The following ZFAT variants were observed in gnomAD, a reference collection of about 807,000 sequenced individuals.
ZFAT encodes zinc finger protein ZFAT.
In ZFAT, 64 loss-of-function variants were observed where a neutral mutation model predicts 117.7. The observed-to-expected ratio is 0.54, with a 90% confidence interval of 0.44 to 0.67. ZFAT has a LOEUF of 0.67. Ranked by LOEUF, ZFAT falls within the 30% of genes least tolerant of loss-of-function variation. The pLI is 0.00. For missense variants in ZFAT, 1,433 were observed against 1,584.5 expected, an observed-to-expected ratio of 0.90 and a Z score of 1.62; for synonymous variants, 679 against 615.0, an observed-to-expected ratio of 1.10 and a Z score of -1.54.
chr8:134,530,711 A>G (rs1821341698), intron 12 of ZFAT, among the ~76,000 whole-genome samples: 1 of 152,224 alleles, frequency 6.6e-6, no homozygotes, highest in Non-Finnish European at 1.5e-5. Flanking sequence ...CTCCATATCC[A>G]TGGGTTCAAC....
At chr8:134,763,555 T>C in the ZFAT span, among the ~76,000 whole-genome samples, 1 of 152,208 alleles carries the variant, frequency 6.6e-6, no homozygotes, top group Admixed American at 6.5e-5. Context: ...ACTCATTCAT[T>C]GATTGATTTA....
the ZFAT span, among the ~76,000 whole-genome samples, chr8:134,760,203 G>C: frequency 2.0e-5 from 3 of 150,484 alleles, no homozygotes. Flanking sequence ...AGGAGGCGGA[G>C]CTTGCAGTGA....
At chr8:134,732,052 C>T in the ZFAT span, among the ~76,000 whole-genome samples, 1 of 152,236 alleles carries the variant, frequency 6.6e-6, no homozygotes, top group African/African-American at 2.4e-5. Context: ...ACCCCAGGCT[C>T]TTAGGTTTCC....
intron 10 of ZFAT, among the ~76,000 whole-genome samples, chr8:134,572,265 A>G (rs897727361): frequency 2.6e-5 from 4 of 152,256 alleles, no homozygotes; most frequent in Non-Finnish European, 4.4e-5. Flanking sequence ...TTAAAGAATC[A>G]TTTATTTGTT....
chr8:134,581,261 C>T (rs531733530), intron 10 of ZFAT, among the ~76,000 whole-genome samples: 2 of 152,020 alleles, frequency 1.3e-5, no homozygotes, highest in South Asian at 4.2e-4. Flanking sequence ...AAGCCAGTCC[C>T]AGGCAAAACA....
the ZFAT span, among the ~76,000 whole-genome samples, chr8:134,769,876 G>A: frequency 6.6e-6 from 1 of 152,218 alleles, no homozygotes; most frequent in Non-Finnish European, 1.5e-5. Flanking sequence ...TGTGGAAGCT[G>A]CCAAACCTTG....
At chr8:134,520,539 T>C (rs886470553) in intron 13 of ZFAT, among the ~76,000 whole-genome samples, 3 of 152,076 alleles carry the variant, frequency 2.0e-5, no homozygotes, top group Non-Finnish European at 2.9e-5. Context: ...ATTCTCTCGG[T>C]GAGGATGGCA....
chr8:134,506,168 T>G (rs1819392464), intron 15 of ZFAT, among the ~76,000 whole-genome samples: 1 of 152,226 alleles, frequency 6.6e-6, no homozygotes, highest in East Asian at 1.9e-4. Context: ...CTTAGGCAGT[T>G]CTATTTATCA....
chr8:134,538,227 G>A lies in ZFAT; in HGVS notation c.2977-5255C>T, dbSNP rs538146299. On this transcript the variant is annotated intron_variant, in intron 11 of 15. Coordinates refer to ENST00000377838, the MANE Select transcript of ZFAT (RefSeq NM_020863.4). Reference sequence around the variant, plus strand: ...AGAGGATAACAGGTGTGGGGATCAGGGGAGTCTGGAATCACGGGATCTGAG... The same window carrying A: ...AGAGGATAACAGGTGTGGGGATCAGAGGAGTCTGGAATCACGGGATCTGAG... 3.3e-5 allele frequency among the ~76,000 whole-genome samples: 5 copies of A among 152,262 alleles called. No homozygotes were observed. The East Asian group carries it at 9.7e-4, about 29-fold the overall frequency.
chr8:134,713,180 C>G (rs1814097280), upstream of ZFAT: 1 of 258,572 alleles, frequency 3.9e-6, no homozygotes, highest in East Asian at 6.8e-5. Flanking sequence ...TATCCCACTT[C>G]ACGGATTCCG....
intron 1 of ZFAT, among the ~76,000 whole-genome samples, chr8:134,675,336 A>G (rs1263334991): frequency 6.6e-6 from 1 of 152,234 alleles, no homozygotes; most frequent in Non-Finnish European, 1.5e-5. Context: ...AAATCGATCA[A>G]GTAGAAGAAA....
the ZFAT span, among the ~76,000 whole-genome samples, chr8:134,820,458 G>A: frequency 5.3e-5 from 8 of 152,176 alleles, no homozygotes; most frequent in Non-Finnish European, 1.0e-4. Context: ...CAGTATCATC[G>A]CTTGAACTAT....
intron 10 of ZFAT, among the ~76,000 whole-genome samples, chr8:134,570,144 G>T (rs1824786765): frequency 2.0e-5 from 3 of 152,222 alleles, no homozygotes; most frequent in South Asian, 4.2e-4. Context: ...TGTTCCCAGA[G>T]CCCGGGGTGT....
At chr8:134,793,244 A>C in the ZFAT span, 2 of 152,220 alleles carry the variant, frequency 1.3e-5, no homozygotes, top group Non-Finnish European at 2.9e-5. Flanking sequence ...GGACACACAG[A>C]TGAATTAGTA....
At chr8:134,687,753 T>A (rs899592360) in intron 1 of ZFAT, among the ~76,000 whole-genome samples, 2 of 152,090 alleles carry the variant, frequency 1.3e-5, no homozygotes, top group African/African-American at 4.8e-5. Context: ...CATTTCCACA[T>A]CAAAAGTAAA....
chr8:134,511,241 G>C (rs997457615), intron 14 of ZFAT, among the ~76,000 whole-genome samples: 7 of 152,166 alleles, frequency 4.6e-5, no homozygotes, highest in Non-Finnish European at 1.0e-4. Context: ...CTGAGAGTGA[G>C]AGTGTGTGTG....
chr8:134,710,085 T>C (rs555928313), intron 1 of ZFAT, among the ~76,000 whole-genome samples: 13 of 152,328 alleles, frequency 8.5e-5, no homozygotes, highest in African/African-American at 3.1e-4. Flanking sequence ...AACTTCAACA[T>C]ATGTCCAGGG....
rs79185851 is a variant in ZFAT, at chr8:134,702,205, T to A, written c.19+10640A>T. Reference sequence around the variant, plus strand: ...TATAAGAAATAAATTCCTTTCCTTATAAATTACCCAACTTCAGGTATTCTG... The same window carrying A: ...TATAAGAAATAAATTCCTTTCCTTAAAAATTACCCAACTTCAGGTATTCTG... On this transcript the variant is annotated intron_variant, in intron 1 of 15. Transcript: ENST00000377838. 6.4e-3 allele frequency among the ~76,000 whole-genome samples: 968 copies of A among 152,344 alleles called. 14 individuals carry two copies. The highest frequency in any genetic ancestry group is 0.022 in the African/African-American group (922 of 41,572).
chr8:134,691,960 C>A (rs1008116651), intron 1 of ZFAT, among the ~76,000 whole-genome samples: 3 of 152,188 alleles, frequency 2.0e-5, no homozygotes, highest in Non-Finnish European at 2.9e-5. Flanking sequence ...TGGGTTCAAG[C>A]AATTCTCCTG....
Sources: gnomAD v4.1 joint callset for allele counts (sites outside exome capture counted in the v4.1 genomes callset) on GRCh38, gnomAD v4.1.1 for gene constraint, MANE v1.5 for transcripts, NCBI Gene and HGNC (gene_info 2026-07-23, HGNC 2026-07-21) for gene names.